The following SUCLG2 variants were observed in gnomAD, a reference collection of about 807,000 sequenced individuals.
SUCLG2 encodes the protein succinate--CoA ligase [GDP-forming] subunit beta, mitochondrial.
SUCLG2 carries 42 observed loss-of-function variants against 47.9 expected under a neutral mutation model. That is an observed-to-expected ratio of 0.88 (90% CI 0.69 to 1.14). The LOEUF (loss-of-function observed/expected upper bound fraction) is 1.14, where lower values mean the gene tolerates loss of function less well. Among genes scored for constraint, SUCLG2 ranks in the 50% most tolerant of loss-of-function variants. The pLI, the probability that SUCLG2 is intolerant of heterozygous loss-of-function variation, is 0.00. For synonymous variants in SUCLG2, 195 were observed against 197.3 expected (o/e 0.99, Z 0.10); for missense variants, 571 against 525.9 (o/e 1.09, Z -0.84).
intron 2 of SUCLG2, among the ~76,000 whole-genome samples, chr3:67,579,701 T>G (rs1321811639): frequency 3.9e-5 from 6 of 152,070 alleles, no homozygotes; most frequent in Non-Finnish European, 8.8e-5. Context: ...TTCAAACAAA[T>G]CAGGGTGGTG....
chr3:67,447,641 T>C (rs1703957269), intron 9 of SUCLG2, among the ~76,000 whole-genome samples: 1 of 152,246 alleles, frequency 6.6e-6, no homozygotes, highest in Admixed American at 6.5e-5. Context: ...ATGAACTATA[T>C]TCCAAATCAA....
At chr3:67,641,788 A>C (rs763444822) in intron 1 of SUCLG2, among the ~76,000 whole-genome samples, 23 of 152,236 alleles carry the variant, frequency 1.5e-4, no homozygotes, top group Admixed American at 4.6e-4. Context: ...GCAGTTTAGG[A>C]GGCTTAAAGT....
At chr3:67,632,540 G>A (rs568467388) in intron 1 of SUCLG2, among the ~76,000 whole-genome samples, 1 of 152,176 alleles carries the variant, frequency 6.6e-6, no homozygotes, top group Non-Finnish European at 1.5e-5. Context: ...TTGAGCACCA[G>A]TGATGCTCAA....
intron 2 of SUCLG2, among the ~76,000 whole-genome samples, chr3:67,591,035 G>A (rs552567474): frequency 6.6e-6 from 1 of 152,240 alleles, no homozygotes; most frequent in African/African-American, 2.4e-5. Context: ...ATTGAATACT[G>A]ACATGTTTTC....
At chr3:67,618,053 A>G (rs776313937) in intron 1 of SUCLG2, among the ~76,000 whole-genome samples, 4 of 152,226 alleles carry the variant, frequency 2.6e-5, no homozygotes, top group Non-Finnish European at 5.9e-5. Context: ...GAATCACTCA[A>G]CAATCACAGA....
intron 10 of SUCLG2, among the ~76,000 whole-genome samples, chr3:67,389,267 CAGAAAGGGAACTCAATAG>C (rs1025188438): frequency 1.3e-5 from 2 of 152,012 alleles, no homozygotes; most frequent in African/African-American, 4.8e-5. Flanking sequence ...TTGGGAAAGT[CAGAAAGGGAACTCAATAG>C]AGAGCGTGGG....
chr3:67,365,931 T>C (rs1701869717), intron 10 of SUCLG2, among the ~76,000 whole-genome samples: 1 of 152,170 alleles, frequency 6.6e-6, no homozygotes, highest in African/African-American at 2.4e-5. Flanking sequence ...CCCTTAAAGG[T>C]GATTTTTCAA....
At chr3:67,633,362 T>C (rs1387045128) in intron 1 of SUCLG2, among the ~76,000 whole-genome samples, 7 of 152,190 alleles carry the variant, frequency 4.6e-5, no homozygotes, top group South Asian at 2.1e-4. Context: ...GTTTCTGTAG[T>C]AAAGTCATTT....
At chr3:67,543,167 A>C (rs1222311638) in intron 2 of SUCLG2, among the ~76,000 whole-genome samples, 1 of 152,248 alleles carries the variant, frequency 6.6e-6, no homozygotes, top group East Asian at 1.9e-4. Flanking sequence ...AAACTCACTC[A>C]AAATCACACA....
intron 9 of SUCLG2, among the ~76,000 whole-genome samples, chr3:67,407,946 A>G (rs1455040100): frequency 2.6e-5 from 4 of 152,216 alleles, no homozygotes; most frequent in African/African-American, 9.6e-5. Context: ...AATGAGATGC[A>G]GCTTGGATAA....
chr3:67,453,956 T>A (rs1455207596), intron 9 of SUCLG2, among the ~76,000 whole-genome samples: 1 of 152,228 alleles, frequency 6.6e-6, no homozygotes, highest in East Asian at 1.9e-4. Flanking sequence ...ATTTTGTGTG[T>A]GTGTATGTGT....
chr3:67,364,771 T>C (rs1018389548), intron 10 of SUCLG2, among the ~76,000 whole-genome samples: 8 of 152,110 alleles, frequency 5.3e-5, no homozygotes, highest in African/African-American at 1.9e-4. Context: ...TCGAGTAACA[T>C]GCTTTATACT....
At chr3:67,364,863 C>T (rs184498878) in intron 10 of SUCLG2, among the ~76,000 whole-genome samples, 91 of 152,198 alleles carry the variant, frequency 6.0e-4, no homozygotes, top group African/African-American at 2.0e-3. Flanking sequence ...AATCATCTAA[C>T]GGACAGTTTA....
chr3:67,501,123 A>ACTC lies in SUCLG2; in HGVS notation c.758-2829_758-2828insGAG, dbSNP rs201324999. 4.5e-3 allele frequency among the ~76,000 whole-genome samples: 679 copies of ACTC among 152,302 alleles called. 9 individuals carry two copies. The East Asian group carries it at 0.058, about 13-fold the overall frequency. The stretch of plus-strand genomic sequence containing the variant: ...TACAACGGTCCTGTGCCGACTGTTA[A>ACTC]TTTGTAGAGAAAACTAAACAACCTA... On this transcript the variant is annotated intron_variant, in intron 7 of 10. Transcript: ENST00000307227.
At chr3:67,370,734 T>C (rs1245547207), downstream of SUCLG2, among the ~76,000 whole-genome samples, 1 of 152,232 alleles carries the variant, frequency 6.6e-6, no homozygotes, top group Non-Finnish European at 1.5e-5. Context: ...GTTATATGAA[T>C]GTGGTCTCTC....
intron 1 of SUCLG2, among the ~76,000 whole-genome samples, chr3:67,613,588 G>A (rs1477491658): frequency 6.6e-6 from 1 of 152,146 alleles, no homozygotes; most frequent in African/African-American, 2.4e-5. Context: ...CCAGAATAAG[G>A]ATGGACATAT....
intron 9 of SUCLG2, among the ~76,000 whole-genome samples, chr3:67,441,140 A>G (rs935200933): frequency 6.6e-6 from 1 of 151,826 alleles, no homozygotes; most frequent in Non-Finnish European, 1.5e-5. Context: ...AAAACTAAAC[A>G]CTGCATGTTC....
At chr3:67,451,974 G>C (rs1351356319) in intron 9 of SUCLG2, among the ~76,000 whole-genome samples, 1 of 152,122 alleles carries the variant, frequency 6.6e-6, no homozygotes, top group African/African-American at 2.4e-5. Context: ...AAATGTGTGA[G>C]CATCTGCATT....
At chr3:67,648,694 C>T (rs1247409158) in intron 1 of SUCLG2, among the ~76,000 whole-genome samples, 2 of 152,090 alleles carry the variant, frequency 1.3e-5, no homozygotes, top group Non-Finnish European at 2.9e-5. Context: ...TACTACATGC[C>T]CAAGGAACAG....
Sources: allele counts gnomAD v4.1 joint callset (sites outside exome capture counted in the v4.1 genomes callset), GRCh38; gene constraint gnomAD v4.1.1; transcripts MANE v1.5; gene names NCBI Gene and HGNC (gene_info 2026-07-23, HGNC 2026-07-21).